Variants in CLTCL1 observed in about 807,000 individuals in gnomAD.
CLTCL1 encodes the protein clathrin heavy chain 2.
Under a neutral mutation model 190.0 loss-of-function variants are expected in CLTCL1, and 159 were observed. The observed-to-expected ratio is 0.84, with a 90% CI of 0.74 to 0.95. CLTCL1 has a LOEUF of 0.95. Among genes scored for constraint, CLTCL1 ranks in the 40% least tolerant of loss-of-function variants. The probability of loss-of-function intolerance (pLI) is 0.00; values close to 1 mark genes in which losing one functional copy is unlikely to be tolerated. For missense variants in CLTCL1, 1,878 were observed against 2,033.4 expected (o/e 0.92, Z 1.47); for synonymous variants, 752 against 769.6 (o/e 0.98, Z 0.38).
chr22:19,200,527 A>G (rs1555938641), intron 23 of CLTCL1, among the ~76,000 whole-genome samples: 3 of 152,250 alleles, frequency 2.0e-5, no homozygotes, highest in South Asian at 4.1e-4. Flanking sequence ...ACAGCAGGGT[A>G]GAGTTGTAAT....
Position 19,234,652 on chromosome 22 carries a change from G to A in CLTCL1, c.1024C>T (p.Leu342Phe). ...DNIVNYATNVLQNPDLGLRLA... is the reference protein window; with the variant it reads ...DNIVNYATNVFQNPDLGLRLA... ...CGCAGACCAAGGTCTGGATTCTGAA[G>A]CACGTTGGTTGCATAATTCACAATG... The change falls in exon 7 of 33, where the codon CTT becomes TTT. Residue 342 changes from leucine to phenylalanine, a missense_variant. By Grantham distance (22) the Leu-to-Phe change is conservative (BLOSUM62 0). Transcript: ENST00000427926. 1 of 1,614,016 alleles carries A rather than the reference G, an allele frequency of 6.2e-7. No individual in the cohort carries two copies. Among genetic ancestry groups the A allele is most frequent in the Non-Finnish European group, 8.5e-7 (1 of 1,179,884 alleles).
Position 19,188,009 on chromosome 22 carries a change from T to C in CLTCL1, c.4406A>G (p.His1469Arg). Reference protein sequence around the residue: ...NNKSVNEALNHLLTEEEDYQG... With the variant: ...NNKSVNEALNRLLTEEEDYQG... Reference sequence around the variant, plus strand: ...ATAGTCCTCCTCCTCTGTCAGCAGGTGGTTGAGTGCCTCATTCACACTCTT... The same window carrying C: ...ATAGTCCTCCTCCTCTGTCAGCAGGCGGTTGAGTGCCTCATTCACACTCTT... Residue 1469 changes from histidine to arginine, a missense_variant, in exon 28 of 33, where the codon CAC becomes CGC. His to Arg is a conservative substitution (Grantham distance 29). Coordinates refer to ENST00000427926, the MANE Select transcript of CLTCL1 (RefSeq NM_007098.4). 1 of 1,613,962 alleles carries C rather than the reference T, an allele frequency of 6.2e-7. No individual in the cohort carries two copies. The highest frequency in any genetic ancestry group is 8.5e-7 in the Non-Finnish European group (1 of 1,179,872).
At chr22:19,230,050 C>A in intron 10 of CLTCL1, 75 bp from the exon 11 acceptor site, 1 of 1,327,592 alleles carries the variant, frequency 7.5e-7, no homozygotes, top group Non-Finnish European at 1.0e-6. Flanking sequence ...GAAATAGTTC[C>A]TGAAATATTA....
intron 4 of CLTCL1, 66 bp from the exon 5 acceptor site, chr22:19,239,454 C>T: frequency 8.5e-7 from 1 of 1,178,988 alleles, no homozygotes; most frequent in Non-Finnish European, 1.3e-6. Flanking sequence ...CTAGTCAAGG[C>T]ACAGAGGCAA....
chr22:19,279,916 A>C (rs947959205), intron 1 of CLTCL1, among the ~76,000 whole-genome samples: 4 of 152,232 alleles, frequency 2.6e-5, no homozygotes, highest in Non-Finnish European at 4.4e-5. Context: ...TCCACAGCTG[A>C]ACTGCACCTC....
intron 24 of CLTCL1, 150 bp downstream of exon 24, chr22:19,199,584 C>CT (rs1174681239): frequency 5.5e-6 from 3 of 550,382 alleles, no homozygotes; most frequent in Non-Finnish European, 9.5e-6. Context: ...AAATGACTGT[C>CT]TAACACATGA....
At chr22:19,270,726 C>CA (rs35877753) in intron 2 of CLTCL1, among the ~76,000 whole-genome samples, 35,204 of 78,644 alleles carry the variant, frequency 0.45, 7,021 homozygotes, top group East Asian at 0.48. Context: ...GACTCCAACT[C>CA]AAAAAAAAAA....
At chr22:19,269,947 TAA>T (rs35826599) in intron 2 of CLTCL1, among the ~76,000 whole-genome samples, 3 of 138,254 alleles carry the variant, frequency 2.2e-5, no homozygotes. Context: ...AAAGTAAAAT[TAA>T]AAAAAAAAAA....
intron 26 of CLTCL1, 41 bp from the exon 27 acceptor site, chr22:19,191,476 T>A: frequency 6.2e-7 from 1 of 1,606,010 alleles, no homozygotes; most frequent in Non-Finnish European, 8.5e-7. Context: ...TGCCGCTGTC[T>A]CCAGATACCC....
intron 5 of CLTCL1, among the ~76,000 whole-genome samples, chr22:19,238,029 T>C (rs985616629): frequency 1.3e-5 from 2 of 152,216 alleles, no homozygotes; most frequent in Admixed American, 6.5e-5. Flanking sequence ...AGAAAAGGTA[T>C]AGATCTAAAT....
chr22:19,222,937 A>G (rs1555953529), intron 14 of CLTCL1, 128 bp from the exon 15 acceptor site: 6 of 1,131,486 alleles, frequency 5.3e-6, no homozygotes, highest in Non-Finnish European at 7.5e-6. Context: ...TCAGAATGAG[A>G]CTGCTCTAAA....
At chr22:19,240,215 G>A (rs1214053759) in intron 4 of CLTCL1, among the ~76,000 whole-genome samples, 2 of 151,748 alleles carry the variant, frequency 1.3e-5, no homozygotes, top group East Asian at 1.9e-4. Flanking sequence ...ACCCCACCTC[G>A]GCCTCCCAAA....
intron 26 of CLTCL1, 138 bp downstream of exon 26, chr22:19,196,128 G>A: frequency 1.2e-6 from 1 of 819,516 alleles, no homozygotes; most frequent in Non-Finnish European, 1.9e-6. Flanking sequence ...CCAGAGGGTG[G>A]TGGACTCATA....
At chr22:19,249,685 G>C (rs1444595219) in intron 3 of CLTCL1, among the ~76,000 whole-genome samples, 1 of 151,968 alleles carries the variant, frequency 6.6e-6, no homozygotes, top group Non-Finnish European at 1.5e-5. Flanking sequence ...AACAGAGCAA[G>C]GCTCTGTCTC....
chr22:19,225,348 C>T (rs1381729812), intron 13 of CLTCL1, 105 bp downstream of exon 13: 1 of 1,247,206 alleles, frequency 8.0e-7, no homozygotes, highest in East Asian at 2.6e-5. Flanking sequence ...CTGCATCCTG[C>T]CTGGCTTTGC....
intron 3 of CLTCL1, among the ~76,000 whole-genome samples, chr22:19,251,745 C>T (rs187613630): frequency 1.8e-3 from 270 of 152,330 alleles, no homozygotes; most frequent in Non-Finnish European, 3.3e-3. Flanking sequence ...CGTGAGCCAC[C>T]GTGCCCAGCC....
intron 1 of CLTCL1, among the ~76,000 whole-genome samples, chr22:19,280,067 T>G (rs1555985627): frequency 6.6e-6 from 1 of 152,222 alleles, no homozygotes; most frequent in African/African-American, 2.4e-5. Context: ...AGGTTATGCT[T>G]TGAGACTGTC....
At chr22:19,206,268 C>T (rs1478036928) in intron 22 of CLTCL1, among the ~76,000 whole-genome samples, 2 of 152,108 alleles carry the variant, frequency 1.3e-5, no homozygotes, top group Non-Finnish European at 2.9e-5. Flanking sequence ...CGCTCTTTGC[C>T]TAGGCTGGAG....
chr22:19,260,366 T>C (rs1371956827), intron 2 of CLTCL1, among the ~76,000 whole-genome samples: 2 of 152,178 alleles, frequency 1.3e-5, no homozygotes, highest in African/African-American at 4.8e-5. Flanking sequence ...AGTCAATGCC[T>C]GGCTTCAAAG....
Sources: gnomAD v4.1 joint callset for allele counts (sites outside exome capture counted in the v4.1 genomes callset) on GRCh38, gnomAD v4.1.1 for gene constraint, MANE v1.5 for transcripts, NCBI Gene and HGNC (gene_info 2026-07-23, HGNC 2026-07-21) for gene names.